The following CDC5L variants were observed in gnomAD, a reference collection of about 807,000 sequenced individuals.
CDC5L encodes cell division cycle 5 like, also known as cell division cycle 5-like protein.
A neutral mutation model predicts 104.1 loss-of-function variants in CDC5L; 18 were observed. That is an observed-to-expected ratio of 0.17 (90% CI 0.12 to 0.26). CDC5L has a LOEUF of 0.26. CDC5L is among the 10% of genes least tolerant of loss of function. The pLI, the probability that CDC5L is intolerant of heterozygous loss-of-function variation, is 1.00. For synonymous variants in CDC5L, 331 were observed against 322.7 expected (o/e 1.03, Z -0.28); for missense variants, 673 against 956.9 (o/e 0.70, Z 3.91).
chr6:44,445,770 A>G lies in CDC5L; in HGVS notation c.2207A>G (p.Asn736Ser), dbSNP rs1261232391. 5 of 1,614,066 alleles carry G rather than the reference A, an allele frequency of 3.1e-6. No homozygotes were observed. Among genetic ancestry groups the G allele is most frequent in the Non-Finnish European group, 3.4e-6 (4 of 1,179,978 alleles). Residue 736 changes from asparagine to serine, a missense_variant, in exon 15 of 16, where the codon AAT (asparagine) becomes AGT (serine). Coordinates refer to ENST00000371477, the MANE Select transcript of CDC5L (RefSeq NM_001253.4). ...GCTATGGGGCTCATGAAACAGTTGA[A>G]TGACTTATGGGACCAAATTGAACAG... ...SRAMGLMKQLNDLWDQIEQAH... is the reference protein window; with the variant it reads ...SRAMGLMKQLSDLWDQIEQAH...
intron 9 of CDC5L, among the ~76,000 whole-genome samples, chr6:44,421,375 C>T (rs1390414571): frequency 6.6e-6 from 1 of 152,154 alleles, no homozygotes; most frequent in Non-Finnish European, 1.5e-5. Context: ...TTGGAACTTA[C>T]AATGGTTGGA....
chr6:44,388,278 G>T (rs1375762380), intron 1 of CDC5L, among the ~76,000 whole-genome samples: 1 of 151,848 alleles, frequency 6.6e-6, no homozygotes, highest in Admixed American at 6.6e-5. Context: ...TAAAGAAGTT[G>T]CCGTGGCCAC....
intron 2 of CDC5L, among the ~76,000 whole-genome samples, chr6:44,391,009 T>C (rs1285074583): frequency 8.5e-6 from 1 of 117,232 alleles, no homozygotes; most frequent in South Asian, 3.0e-4. Context: ...TAATATGTTA[T>C]ATATTATATA....
At chr6:44,392,912 A>G in intron 3 of CDC5L, 84 bp downstream of exon 3, 1 of 1,279,136 alleles carries the variant, frequency 7.8e-7, no homozygotes, top group Non-Finnish European at 1.1e-6. Flanking sequence ...TTCTGTCTTT[A>G]AACTTTTAAT....
chr6:44,427,214 C>T (rs990540227), intron 13 of CDC5L, among the ~76,000 whole-genome samples: 35 of 152,134 alleles, frequency 2.3e-4, no homozygotes, highest in African/African-American at 8.0e-4. Flanking sequence ...TGGATAAGGA[C>T]ATGAAGAAAT....
At chr6:44,414,316 G>A (rs372491974) in intron 8 of CDC5L, among the ~76,000 whole-genome samples, 18 of 151,658 alleles carry the variant, frequency 1.2e-4, no homozygotes, top group African/African-American at 4.4e-4. Context: ...GGGTTCAAGC[G>A]ATCCTCCCAC....
chr6:44,427,447 T>G (rs564215511), intron 13 of CDC5L, among the ~76,000 whole-genome samples: 1 of 152,320 alleles, frequency 6.6e-6, no homozygotes, highest in South Asian at 2.1e-4. Flanking sequence ...GGATTTGGAA[T>G]GAGCTGCTGT....
intron 13 of CDC5L, among the ~76,000 whole-genome samples, chr6:44,427,194 C>A (rs1792462750): frequency 6.6e-6 from 1 of 152,062 alleles, no homozygotes; most frequent in Non-Finnish European, 1.5e-5. Context: ...ATGATTTCCC[C>A]CTACTCTTTT....
chr6:44,403,878 A>C lies in CDC5L; in HGVS notation c.609A>C (p.Lys203Asn). Residue 203 changes from lysine to asparagine, a missense_variant, in exon 6 of 16, where the codon AAA (lysine) becomes AAC (asparagine). Lys to Asn is a moderately conservative substitution (Grantham distance 94). Around this residue, in one of 4 missense-constraint regions of CDC5L, gnomAD observed 578 missense variants for 737.0 expected, o/e 0.78. Transcript: ENST00000371477. Reference sequence around the variant, plus strand: ...GCATAGAAATTCAGAAGAAAAGAAAAAGGAAGAGAGGAGTTGATTATAATG... The same window carrying C: ...GCATAGAAATTCAGAAGAAAAGAAACAGGAAGAGAGGAGTTGATTATAATG... The part of the protein sequence containing the change: ...AAGIEIQKKR[K>N]RKRGVDYNAE... 6.2e-7 allele frequency: 1 copy of C among 1,613,526 alleles called. No homozygotes were observed. The highest frequency in any genetic ancestry group is 8.5e-7 in the Non-Finnish European group (1 of 1,179,836).
chr6:44,445,712 A>T lies in CDC5L; in HGVS notation c.2149A>T (p.Met717Leu). 1 of 1,614,132 alleles carries T rather than the reference A, an allele frequency of 6.2e-7. No homozygotes were observed. The highest frequency in any genetic ancestry group is 8.5e-7 in the Non-Finnish European group (1 of 1,180,010). ...GAGGGCTGCAAAGATGGAAAAGAAGATGAAAATTTTGCTTGGGGGTTACCA... is the reference window on the plus strand; with the variant it reads ...GAGGGCTGCAAAGATGGAAAAGAAGTTGAAAATTTTGCTTGGGGGTTACCA... ...AKRAAKMEKK[M>L]KILLGGYQSR... Residue 717 changes from methionine (M) to leucine (L), a missense_variant, in exon 15 of 16, where the codon ATG becomes TTG. Transcript: ENST00000371477.
At position 44,406,486 on chromosome 6, in the gene CDC5L, A is replaced by G; in HGVS notation, c.903+19A>G. 1 of 1,590,884 alleles carries G rather than the reference A, an allele frequency of 6.3e-7. No individual in the cohort carries two copies. Among genetic ancestry groups the G allele is most frequent in the Middle Eastern group, 1.7e-4 (1 of 6,016 alleles). On this transcript the variant is annotated intron_variant, in intron 7 of 15. Coordinates refer to ENST00000371477, the MANE Select transcript of CDC5L (RefSeq NM_001253.4). ...CCCTCAGGTAATCTGATAAAAGCAA[A>G]TTTTTCACTATGTGAATTTATATGC...
rs372146196 is a variant in CDC5L at position 44,440,708 on chromosome 6, C to CTT, written c.2092-4931_2092-4930dup. Reference sequence around the variant, plus strand: ...CTTTGTGGAGAGAATATTTAAAATCCTTTTTTTTTTTTTTTTTGCTATGGA... The same window carrying CTT: ...CTTTGTGGAGAGAATATTTAAAATCCTTTTTTTTTTTTTTTTTTTGCTATGGA... On this transcript the variant is annotated intron_variant, in intron 14 of 15. Transcript: ENST00000371477. Among the ~76,000 whole-genome samples, 1,273 of 130,954 alleles carry CTT rather than the reference C, an allele frequency of 9.7e-3. 22 individuals are homozygous for CTT. The highest frequency in any genetic ancestry group is 0.02 in the Middle Eastern group (5 of 248). 85.9% of individuals were successfully genotyped at this position (130,954 alleles called of 152,430 possible).
intron 14 of CDC5L, among the ~76,000 whole-genome samples, chr6:44,433,471 C>CACTTTTGAA (rs1792780784): frequency 6.6e-6 from 1 of 152,092 alleles, no homozygotes; most frequent in Non-Finnish European, 1.5e-5. Flanking sequence ...AATGAGAAGT[C>CACTTTTGAA]TGAATTTAGG....
At chr6:44,423,574 A>G (rs569295736) in intron 10 of CDC5L, among the ~76,000 whole-genome samples, 10 of 152,296 alleles carry the variant, frequency 6.6e-5, no homozygotes, top group East Asian at 1.9e-4. Flanking sequence ...TAGAGGAGCT[A>G]TGTTCTGAAG....
At chr6:44,420,419 C>T (rs187555126) in intron 9 of CDC5L, among the ~76,000 whole-genome samples, 76 of 150,238 alleles carry the variant, frequency 5.1e-4, no homozygotes, top group Middle Eastern at 3.5e-3. Context: ...AGTGCAGTGG[C>T]GCGAACTCGG....
chr6:44,409,399 T>G (rs575746141), intron 8 of CDC5L, among the ~76,000 whole-genome samples: 3 of 152,144 alleles, frequency 2.0e-5, no homozygotes, highest in Non-Finnish European at 4.4e-5. Flanking sequence ...CTATTGTCTG[T>G]TATAATTTGG....
In CDC5L at chr6:44,394,522, T is replaced by A. The variant is rs376193602; in HGVS notation, c.439+949T>A. Among the ~76,000 whole-genome samples, 311 of 152,214 alleles carry A rather than the reference T, an allele frequency of 2.0e-3. 1 individual carries two copies. Among genetic ancestry groups the A allele is most frequent in the African/African-American group, 3.8e-3 (156 of 41,536 alleles). On this transcript the variant is annotated intron_variant, in intron 4 of 15. Transcript: ENST00000371477. ...ATCAGGAATTCCACAATAGAAAGTATATGGAATCAACCTAAGTGTCCATTA... is the reference window on the plus strand; with the variant it reads ...ATCAGGAATTCCACAATAGAAAGTAAATGGAATCAACCTAAGTGTCCATTA...
chr6:44,411,633 A>AGTGTGTGTGTGTGTGTGTGTGT (rs780216018), intron 8 of CDC5L, among the ~76,000 whole-genome samples: 8 of 58,024 alleles, frequency 1.4e-4, no homozygotes, highest in Non-Finnish European at 2.9e-4. Flanking sequence ...AGAGAGAGAG[A>AGTGTGTGTGTGTGTGTGTGTGT]GAGAGTGTGT....
At chr6:44,439,395 C>G (rs542936508) in intron 14 of CDC5L, among the ~76,000 whole-genome samples, 1 of 151,448 alleles carries the variant, frequency 6.6e-6, no homozygotes, top group African/African-American at 2.4e-5. Context: ...ATACTTCCTT[C>G]ACCTCATTTG....
Sources: gnomAD v4.1 joint callset for allele counts (sites outside exome capture counted in the v4.1 genomes callset) on GRCh38, gnomAD v4.1.1 for gene constraint, gnomAD v4.1.1 regional missense constraint, MANE v1.5 for transcripts, NCBI Gene and HGNC (gene_info 2026-07-23, HGNC 2026-07-21) for gene names.